ITSN2: variants seen among roughly 807,000 people sequenced by gnomAD.
ITSN2 encodes the protein intersectin 2.
Under a neutral mutation model 243.7 loss-of-function variants are expected in ITSN2, and 156 were observed. That is an observed-to-expected ratio of 0.64 (90% confidence interval 0.56 to 0.73). The LOEUF (loss-of-function observed/expected upper bound fraction) is 0.73, where lower values mean the gene tolerates loss of function less well. Among genes scored for constraint, ITSN2 ranks in the 30% least tolerant of loss-of-function variants. ITSN2 has a pLI of 0.00. For synonymous variants in ITSN2, 703 were observed against 699.9 expected (o/e 1.00, Z -0.07); for missense variants, 1,801 against 1,996.1 (o/e 0.90, Z 1.86).
intron 37 of ITSN2, among the ~76,000 whole-genome samples, chr2:24,207,241 T>C (rs1415545236): frequency 2.0e-5 from 3 of 151,408 alleles, no homozygotes; most frequent in Non-Finnish European, 4.4e-5. Context: ...GGGTGGGAGA[T>C]CGGGGGCCTG....
intron 37 of ITSN2, among the ~76,000 whole-genome samples, chr2:24,207,697 C>G (rs1313370309): frequency 6.6e-6 from 1 of 151,904 alleles, no homozygotes; most frequent in African/African-American, 2.4e-5. Context: ...GAGCCACTAA[C>G]TAGGCCACTG....
intron 29 of ITSN2, among the ~76,000 whole-genome samples, chr2:24,222,688 T>TTTTTG: frequency 6.9e-6 from 1 of 144,558 alleles, no homozygotes. Flanking sequence ...TTTTTTTTTT[T>TTTTTG]TTTGGAGACA....
intron 30 of ITSN2, 25 bp from the exon 31 acceptor site, chr2:24,218,038 A>G (rs375815484): frequency 6.6e-7 from 1 of 1,514,420 alleles, no homozygotes; most frequent in Non-Finnish European, 9.2e-7. Flanking sequence ...TAGAAAAACT[A>G]GTTAGCTTAA....
chr2:24,359,619 T>C (rs969217692), intron 1 of ITSN2, among the ~76,000 whole-genome samples: 1 of 152,114 alleles, frequency 6.6e-6, no homozygotes, highest in Non-Finnish European at 1.5e-5. Context: ...ACTATGCATA[T>C]GCAGACGTCT....
intron 20 of ITSN2, among the ~76,000 whole-genome samples, chr2:24,264,733 T>A (rs1318010406): frequency 6.7e-6 from 1 of 148,906 alleles, no homozygotes; most frequent in Non-Finnish European, 1.5e-5. Context: ...CAAACACACG[T>A]AGCATGAATC....
chr2:24,243,459 A>C (rs1672976790), intron 29 of ITSN2, among the ~76,000 whole-genome samples: 3 of 103,918 alleles, frequency 2.9e-5, no homozygotes, highest in African/African-American at 9.3e-5. Flanking sequence ...CCGAAAGACG[A>C]TTATTCTTTT....
At chr2:24,308,061 C>T (rs1682778771) in intron 8 of ITSN2, among the ~76,000 whole-genome samples, 1 of 152,158 alleles carries the variant, frequency 6.6e-6, no homozygotes, top group South Asian at 2.1e-4. Flanking sequence ...ACTCTACTTG[C>T]CTATTACCCT....
At chr2:24,311,187 G>T (rs1192805093) in intron 5 of ITSN2, among the ~76,000 whole-genome samples, 1 of 152,106 alleles carries the variant, frequency 6.6e-6, no homozygotes, top group Non-Finnish European at 1.5e-5. Flanking sequence ...TTATTTGCAA[G>T]AAAGTGTGTC....
intron 2 of ITSN2, among the ~76,000 whole-genome samples, chr2:24,316,572 C>T (rs979390342): frequency 1.8e-4 from 28 of 152,328 alleles, no homozygotes; most frequent in African/African-American, 6.5e-4. Context: ...TAAGCCACCA[C>T]GCCCAGACAG....
chr2:24,218,137 GAAGCT>G (rs1670138959), intron 30 of ITSN2, 124 bp from the exon 31 acceptor site: 1 of 629,450 alleles, frequency 1.6e-6, no homozygotes, highest in South Asian at 2.0e-5. Flanking sequence ...AACATAAACT[GAAGCT>G]AATCATCCAA....
In ITSN2 at chr2:24,205,100, T is replaced by C. The variant is rs1205822650; in HGVS notation, c.4762+114A>G. 5.1e-6 allele frequency: 4 copies of C among 785,732 alleles called. No individual in the cohort carries two copies. The African/African-American group carries it at 6.8e-5, about 13-fold the overall frequency. 48.7% of individuals were successfully genotyped at this position (785,732 alleles called of 1,614,324 possible). A position where few individuals can be genotyped will look rare whatever the true frequency, so the allele number is the denominator to read the frequency against. The stretch of plus-strand genomic sequence containing the variant: ...AGGCAGAGGTTGCAGTGAGCCAAGA[T>C]CGTGCCACTGCACTCCAGCCTAGGT... On this transcript the variant is annotated intron_variant, in intron 38 of 39. Coordinates refer to ENST00000355123, the MANE Select transcript of ITSN2 (RefSeq NM_006277.3).
intron 27 of ITSN2, among the ~76,000 whole-genome samples, chr2:24,247,857 C>G (rs112795644): frequency 1.7e-3 from 263 of 152,144 alleles, no homozygotes; most frequent in African/African-American, 6.0e-3. Context: ...CCACTTAGTT[C>G]GGTCCATCTT....
intron 5 of ITSN2, chr2:24,311,775 T>TA (rs1233796568): frequency 6.0e-6 from 1 of 167,312 alleles, no homozygotes; most frequent in Non-Finnish European, 1.5e-5. Flanking sequence ...AATTAACCTT[T>TA]AAAAAAATTC....
rs147075742 is a variant in ITSN2, at chr2:24,216,163, G to A, written c.3876C>T (p.Ala1292=). ...MPVQMIGDIL[A]AELSHMQAYI... is the part of the protein sequence containing the mutation. Reference sequence around the variant, plus strand: ...AAGCCTGCATGTGGGACAGCTCAGCGGCCAGGATGTCCCCAATCATCTGCA... The same window carrying A: ...AAGCCTGCATGTGGGACAGCTCAGCAGCCAGGATGTCCCCAATCATCTGCA... Residue 1292 remains alanine (A), a synonymous_variant, in exon 32 of 40, where the codon GCC becomes GCT. Coordinates refer to ENST00000355123, the MANE Select transcript of ITSN2 (RefSeq NM_006277.3). 164 of 1,612,476 alleles carry A rather than the reference G, an allele frequency of 1.0e-4. No individual in the cohort carries two copies. In the African/African-American group the frequency reaches 1.4e-3, roughly 14 times the overall value.
rs766717134 is a variant in ITSN2, at chr2:24,298,714, A to G, written c.1445T>C (p.Val482Ala). The change falls in exon 13 of 40, where the codon GTC (valine) becomes GCC (alanine). Residue 482 changes from valine to alanine, a missense_variant. Val to Ala is a moderately conservative substitution (Grantham distance 64). Coordinates refer to ENST00000355123, the MANE Select transcript of ITSN2 (RefSeq NM_006277.3). ...NQKNREQEEI[V>A]RLNSKKKNLH... is the part of the protein sequence containing the mutation. ...ATTCTTCTTTTTAGAGTTTAACCTG[A>G]CAATTTCTTCTTGTTCTCTATTCTT... is the stretch of plus-strand genomic sequence containing the variant. 6.2e-7 allele frequency: 1 copy of G among 1,612,642 alleles called. No homozygotes were observed. Among genetic ancestry groups the G allele is most frequent in the East Asian group, 2.2e-5 (1 of 44,794 alleles).
At chr2:24,353,326 T>G (rs560420180) in intron 1 of ITSN2, among the ~76,000 whole-genome samples, 13 of 152,320 alleles carry the variant, frequency 8.5e-5, no homozygotes, top group Non-Finnish European at 1.3e-4. Context: ...CTACCCACAG[T>G]GGCTCATGCC....
intron 29 of ITSN2, among the ~76,000 whole-genome samples, chr2:24,235,318 A>G (rs1573953394): frequency 6.8e-6 from 1 of 146,206 alleles, no homozygotes; most frequent in Admixed American, 6.8e-5. Context: ...AGTGGTTGCC[A>G]GGGGATGGGA....
chr2:24,268,254 TC>T (rs1242324916), intron 20 of ITSN2, among the ~76,000 whole-genome samples: 1 of 152,188 alleles, frequency 6.6e-6, no homozygotes, highest in Non-Finnish European at 1.5e-5. Context: ...AACACCCTCA[TC>T]CATTAAGTTG....
In ITSN2 at chr2:24,300,024, T is replaced by C. The variant is rs1681518296; in HGVS notation, c.1229A>G (p.Glu410Gly). 2 of 1,614,100 alleles carry C rather than the reference T, an allele frequency of 1.2e-6. No homozygotes were observed. Among genetic ancestry groups the C allele is most frequent in the South Asian group, 2.2e-5 (2 of 91,088 alleles). The change falls in exon 12 of 40, where the codon GAA (glutamate) becomes GGA (glycine). Residue 410 changes from glutamate to glycine, a missense_variant. By Grantham distance (98) the Glu-to-Gly change is moderately conservative. Coordinates refer to ENST00000355123, the MANE Select transcript of ITSN2 (RefSeq NM_006277.3). Reference sequence around the variant, plus strand: ...TTTCTTCCATTCTTGTTCTTGTAATTCTCTCTGTTTTCGTTCCCACTCTTC... The same window carrying C: ...TTTCTTCCATTCTTGTTCTTGTAATCCTCTCTGTTTTCGTTCCCACTCTTC... The part of the protein sequence containing the change: ...EKEEWERKQR[E>G]LQEQEWKKQL...
Sources: allele counts gnomAD v4.1 joint callset (sites outside exome capture counted in the v4.1 genomes callset), GRCh38; gene constraint gnomAD v4.1.1; transcripts MANE v1.5; gene names NCBI Gene and HGNC (gene_info 2026-07-23, HGNC 2026-07-21).